The following ELF2 variants were observed in gnomAD, a reference collection of about 807,000 sequenced individuals.
The protein encoded by ELF2 is ETS-related transcription factor Elf-2.
In ELF2, 11 loss-of-function variants were observed where a neutral mutation model predicts 54.8. The observed-to-expected ratio is 0.20, with a 90% CI of 0.13 to 0.33. The LOEUF is 0.33. Among genes scored for constraint, ELF2 ranks in the 10% least tolerant of loss-of-function variants. The probability of loss-of-function intolerance (pLI) is 1.00; values close to 1 mark genes in which losing one functional copy is unlikely to be tolerated. For synonymous variants in ELF2, 203 were observed against 245.1 expected (o/e 0.83, Z 1.61); for missense variants, 513 against 703.0 (o/e 0.73, Z 3.06).
chr4:139,095,633 A>G (rs1733186687), intron 4 of ELF2, among the ~76,000 whole-genome samples: 1 of 152,154 alleles, frequency 6.6e-6, no homozygotes. Flanking sequence ...TCACATGGCT[A>G]CTACAATAAT....
chr4:139,133,775 TG>T (rs1192346025), intron 3 of ELF2, among the ~76,000 whole-genome samples: 1 of 152,200 alleles, frequency 6.6e-6, no homozygotes, highest in Admixed American at 6.5e-5. Context: ...ACCTGCTTTT[TG>T]ATGCTCTATT....
At chr4:139,091,303 G>A (rs924728164) in intron 4 of ELF2, among the ~76,000 whole-genome samples, 2 of 152,006 alleles carry the variant, frequency 1.3e-5, no homozygotes, top group South Asian at 2.1e-4. Context: ...ATCTAGAAAC[G>A]AATTACAATA....
At chr4:139,171,432 T>C (rs1042348175) in intron 1 of ELF2, among the ~76,000 whole-genome samples, 1 of 151,914 alleles carries the variant, frequency 6.6e-6, no homozygotes, top group Non-Finnish European at 1.5e-5. Context: ...GAATTATTAA[T>C]ATCCTACTGC....
At chr4:139,110,955 T>C (rs1360317024) in intron 4 of ELF2, among the ~76,000 whole-genome samples, 1 of 152,244 alleles carries the variant, frequency 6.6e-6, no homozygotes, top group Non-Finnish European at 1.5e-5. Flanking sequence ...ATAAGATGTA[T>C]TTAAATTAAC....
chr4:139,169,613 T>C (rs1410952069), intron 1 of ELF2, among the ~76,000 whole-genome samples: 1 of 152,264 alleles, frequency 6.6e-6, no homozygotes, highest in East Asian at 1.9e-4. Flanking sequence ...ATCCCAGCAC[T>C]TTGGGAGGCC....
At chr4:139,104,573 ATAGT>A (rs1734235354) in intron 4 of ELF2, among the ~76,000 whole-genome samples, 1 of 151,902 alleles carries the variant, frequency 6.6e-6, no homozygotes, top group Non-Finnish European at 1.5e-5. Flanking sequence ...TTAAAAAGTC[ATAGT>A]TAGTCCTACT....
At chr4:139,119,720 A>G (rs1233014658) in intron 4 of ELF2, among the ~76,000 whole-genome samples, 21 of 152,242 alleles carry the variant, frequency 1.4e-4, no homozygotes, top group Admixed American at 1.4e-3. Flanking sequence ...TCCTAATTTT[A>G]GCATGCCATC....
At chr4:139,133,721 A>G (rs745389850) in intron 3 of ELF2, among the ~76,000 whole-genome samples, 2 of 151,072 alleles carry the variant, frequency 1.3e-5, no homozygotes, top group Non-Finnish European at 2.9e-5. Flanking sequence ...CCCTCACCTC[A>G]GCCTTTAGTG....
intron 4 of ELF2, among the ~76,000 whole-genome samples, chr4:139,080,825 A>C (rs1731002289): frequency 6.6e-6 from 1 of 152,088 alleles, no homozygotes; most frequent in Admixed American, 6.5e-5. Flanking sequence ...TAAACATATA[A>C]AGAGCCTCAA....
chr4:139,125,334 A>G lies in ELF2; in HGVS notation c.73-5T>C. 1 of 1,602,452 alleles carries G rather than the reference A, an allele frequency of 6.2e-7. No homozygotes were observed. Among genetic ancestry groups the G allele is most frequent in the South Asian group, 1.1e-5 (1 of 88,458 alleles). Reference sequence around the variant, plus strand: ...TTCAGAAACCTTTTCACTTTCCTATAAGAGCAAATTTAAAGAACAATCAAC... The same window carrying G: ...TTCAGAAACCTTTTCACTTTCCTATGAGAGCAAATTTAAAGAACAATCAAC... On this transcript the variant is annotated splice_polypyrimidine_tract_variant and splice_region_variant and intron_variant, in intron 3 of 9. Coordinates refer to ENST00000686138, the MANE Select transcript of ELF2 (RefSeq NM_001331036.3).
intron 3 of ELF2, among the ~76,000 whole-genome samples, chr4:139,127,494 G>A (rs1437007128): frequency 6.6e-6 from 1 of 152,042 alleles, no homozygotes; most frequent in Non-Finnish European, 1.5e-5. Flanking sequence ...AATTAGCTTG[G>A]TAAACTATTT....
chr4:139,062,105 A>C, intron 7 of ELF2, 48 bp from the exon 8 acceptor site: 1 of 1,517,366 alleles, frequency 6.6e-7, no homozygotes, highest in Admixed American at 1.9e-5. Context: ...AACATAATTA[A>C]ATACATAATT....
intron 1 of ELF2, among the ~76,000 whole-genome samples, chr4:139,152,891 C>CTTTTT (rs34208004): frequency 1.6e-4 from 17 of 104,038 alleles, no homozygotes; most frequent in African/African-American, 2.8e-4. Flanking sequence ...TAGTGTCATA[C>CTTTTT]TTTTTTTTTT....
intron 1 of ELF2, among the ~76,000 whole-genome samples, chr4:139,164,217 G>T (rs1741488749): frequency 6.7e-6 from 1 of 149,592 alleles, no homozygotes; most frequent in Non-Finnish European, 1.5e-5. Flanking sequence ...CGGGGAGGAG[G>T]GAGGGAGGGA....
intron 4 of ELF2, among the ~76,000 whole-genome samples, chr4:139,082,943 GCA>G (rs758256361): frequency 7.9e-5 from 12 of 152,106 alleles, no homozygotes; most frequent in African/African-American, 1.7e-4. Flanking sequence ...CAGTGGCGCC[GCA>G]CATCCCCCAC....
intron 3 of ELF2, among the ~76,000 whole-genome samples, chr4:139,128,075 G>C (rs1737108987): frequency 6.6e-6 from 1 of 151,808 alleles, no homozygotes; most frequent in Non-Finnish European, 1.5e-5. Flanking sequence ...TTCAAGACCA[G>C]CCTGGGCAAC....
chr4:139,070,660 T>C (rs1029631219), intron 6 of ELF2, among the ~76,000 whole-genome samples: 1 of 152,330 alleles, frequency 6.6e-6, no homozygotes, highest in Admixed American at 6.5e-5. Context: ...CCAAGTGCTA[T>C]AGCAGGCAGT....
intron 4 of ELF2, among the ~76,000 whole-genome samples, chr4:139,092,083 C>A (rs150725733): frequency 1.3e-5 from 2 of 151,206 alleles, no homozygotes; most frequent in East Asian, 1.9e-4. Flanking sequence ...TAAAATAGGC[C>A]GGGTGTGGTG....
chr4:139,117,478 G>C (rs1328484590), intron 4 of ELF2, among the ~76,000 whole-genome samples: 1 of 152,088 alleles, frequency 6.6e-6, no homozygotes, highest in Admixed American at 6.5e-5. Context: ...CAGATCGCAT[G>C]AGGCCAGGAG....
Sources: allele counts gnomAD v4.1 joint callset (sites outside exome capture counted in the v4.1 genomes callset), GRCh38; gene constraint gnomAD v4.1.1; transcripts MANE v1.5; gene names NCBI Gene and HGNC (gene_info 2026-07-23, HGNC 2026-07-21).